TDRD3: variants seen among roughly 807,000 people sequenced by gnomAD.
The protein encoded by TDRD3 is tudor domain-containing protein 3.
In TDRD3, 45 loss-of-function variants were observed where a neutral mutation model predicts 86.7. The ratio of observed to expected loss-of-function variants is 0.52; its 90% CI spans 0.41 to 0.67. TDRD3 has a LOEUF of 0.67. TDRD3 is among the 30% of genes least tolerant of loss of function. The pLI is 0.00. For missense variants in TDRD3, 814 were observed against 889.0 expected (o/e 0.92, Z 1.07); for synonymous variants, 298 against 301.7 (o/e 0.99, Z 0.13).
At chr13:60,519,188 C>T (rs1037242727) in intron 10 of TDRD3, among the ~76,000 whole-genome samples, 3 of 152,014 alleles carry the variant, frequency 2.0e-5, no homozygotes, top group East Asian at 1.9e-4. Flanking sequence ...ATTGTCCGTT[C>T]GCTTATACAT....
intron 1 of TDRD3, among the ~76,000 whole-genome samples, chr13:60,421,041 A>G (rs1157320479): frequency 2.0e-5 from 3 of 152,246 alleles, no homozygotes; most frequent in Non-Finnish European, 4.4e-5. Context: ...GTCTGGATTA[A>G]TGAAGCTTTA....
intron 12 of TDRD3, among the ~76,000 whole-genome samples, chr13:60,562,944 G>A (rs796875576): frequency 6.6e-5 from 10 of 152,102 alleles, no homozygotes; most frequent in African/African-American, 2.4e-4. Flanking sequence ...ATAAGATAAA[G>A]TGGGCTAGGC....
intron 1 of TDRD3, among the ~76,000 whole-genome samples, chr13:60,425,337 C>A: frequency 6.6e-6 from 1 of 152,156 alleles, no homozygotes. Flanking sequence ...ATAAGGATGG[C>A]TATTATCAAA....
chr13:60,431,213 G>A (rs2137916444), intron 1 of TDRD3, among the ~76,000 whole-genome samples: 1 of 152,034 alleles, frequency 6.6e-6, no homozygotes. Context: ...ACAAATGTCA[G>A]AAACCTTTAA....
intron 2 of TDRD3, among the ~76,000 whole-genome samples, chr13:60,442,004 C>G (rs1955287156): frequency 6.6e-6 from 1 of 152,292 alleles, no homozygotes; most frequent in East Asian, 1.9e-4. Flanking sequence ...TGCAAAGTCC[C>G]TAGCTGCCAG....
intron 7 of TDRD3, among the ~76,000 whole-genome samples, chr13:60,493,452 A>G (rs1956644174): frequency 6.6e-6 from 1 of 152,158 alleles, no homozygotes; most frequent in South Asian, 2.1e-4. Flanking sequence ...ATCTCAGGTC[A>G]GGAGTTCGAG....
chr13:60,403,253 A>G (rs1012299197), intron 1 of TDRD3, among the ~76,000 whole-genome samples: 2 of 152,168 alleles, frequency 1.3e-5, no homozygotes, highest in African/African-American at 4.8e-5. Flanking sequence ...GGTTGAAAAT[A>G]ATTTTCTCCT....
chr13:60,459,139 T>C (rs1283519041), intron 3 of TDRD3, among the ~76,000 whole-genome samples: 2 of 152,194 alleles, frequency 1.3e-5, no homozygotes, highest in Admixed American at 6.5e-5. Context: ...CTGATAAATA[T>C]GGAGTAGAAA....
At chr13:60,432,818 A>G (rs1954988459) in intron 1 of TDRD3, among the ~76,000 whole-genome samples, 1 of 151,904 alleles carries the variant, frequency 6.6e-6, no homozygotes, top group South Asian at 2.1e-4. Context: ...GGAATTAGTT[A>G]TCTTTATTTT....
chr13:60,455,992 C>G (rs1487903388), intron 3 of TDRD3, among the ~76,000 whole-genome samples: 1 of 148,960 alleles, frequency 6.7e-6, no homozygotes, highest in African/African-American at 2.5e-5. Flanking sequence ...ATCACTTGAA[C>G]CTGGGAGGCG....
chr13:60,439,046 CT>C (rs1955189832), intron 1 of TDRD3, among the ~76,000 whole-genome samples: 1 of 151,852 alleles, frequency 6.6e-6, no homozygotes, highest in Non-Finnish European at 1.5e-5. Context: ...AATTAATTGT[CT>C]CTGACAGATG....
At chr13:60,451,596 C>A (rs1955543646) in intron 3 of TDRD3, among the ~76,000 whole-genome samples, 1 of 152,154 alleles carries the variant, frequency 6.6e-6, no homozygotes, top group African/African-American at 2.4e-5. Context: ...CACCTCTGCA[C>A]ACATATAACA....
intron 13 of TDRD3, among the ~76,000 whole-genome samples, chr13:60,571,406 C>T (rs1958582693): frequency 6.6e-6 from 1 of 152,048 alleles, no homozygotes; most frequent in Non-Finnish European, 1.5e-5. Flanking sequence ...AAAAGATAAA[C>T]ATTGTAGCCA....
intron 12 of TDRD3, among the ~76,000 whole-genome samples, chr13:60,565,301 C>T (rs561755051): frequency 4.0e-5 from 6 of 151,336 alleles, no homozygotes; most frequent in Non-Finnish European, 8.8e-5. Context: ...GTGATCCGCC[C>T]GCCTCGGCCT....
intron 8 of TDRD3, among the ~76,000 whole-genome samples, chr13:60,504,046 G>C (rs1348050899): frequency 6.6e-6 from 1 of 151,958 alleles, no homozygotes; most frequent in African/African-American, 2.4e-5. Flanking sequence ...ATACTTTTTT[G>C]AATTTAGTTA....
intron 12 of TDRD3, among the ~76,000 whole-genome samples, chr13:60,549,164 TATTCA>T: frequency 6.6e-6 from 1 of 152,290 alleles, no homozygotes; most frequent in Admixed American, 6.5e-5. Context: ...TGGGTATGTG[TATTCA>T]ATTTTATAAA....
chr13:60,402,637 C>A (rs142148393), intron 1 of TDRD3, among the ~76,000 whole-genome samples: 1 of 148,552 alleles, frequency 6.7e-6, no homozygotes, highest in Non-Finnish European at 1.5e-5. Flanking sequence ...GGAAAGGATT[C>A]GAATCATTAA....
chr13:60,460,276 A>G, intron 3 of TDRD3, 104 bp from the exon 4 acceptor site: 1 of 950,860 alleles, frequency 1.1e-6, no homozygotes, highest in Non-Finnish European at 1.5e-6. Flanking sequence ...TATAAATCAT[A>G]AAGCATGACT....
At chr13:60,465,791 T>G (rs145447586) in intron 4 of TDRD3, among the ~76,000 whole-genome samples, 1 of 152,306 alleles carries the variant, frequency 6.6e-6, no homozygotes, top group African/African-American at 2.4e-5. Flanking sequence ...GGTTTTAAGA[T>G]GTGAACAATG....
Sources: gnomAD v4.1 joint callset for allele counts (sites outside exome capture counted in the v4.1 genomes callset) on GRCh38, gnomAD v4.1.1 for gene constraint, MANE v1.5 for transcripts, NCBI Gene and HGNC (gene_info 2026-07-23, HGNC 2026-07-21) for gene names.